Variants in ZBBX observed in about 807,000 individuals in gnomAD.
ZBBX encodes the protein zinc finger B-box domain containing.
A neutral mutation model predicts 108.5 loss-of-function variants in ZBBX; 101 were observed. The ratio of observed to expected loss-of-function variants is 0.93; its 90% confidence interval spans 0.79 to 1.10. The LOEUF is 1.10. Among genes scored for constraint, ZBBX ranks in the 50% least tolerant of loss-of-function variants. ZBBX has a pLI of 0.00. For missense variants in ZBBX, 1,009 were observed against 941.4 expected (o/e 1.07, Z -0.94); for synonymous variants, 356 against 323.4 (o/e 1.10, Z -1.08).
intron 2 of ZBBX, among the ~76,000 whole-genome samples, chr3:167,379,020 A>C (rs1160109828): frequency 6.6e-6 from 1 of 152,206 alleles, no homozygotes; most frequent in Non-Finnish European, 1.5e-5. Context: ...CCCAGCAATC[A>C]ATACAGTCCC....
chr3:167,318,762 T>C (rs981695814), intron 12 of ZBBX, among the ~76,000 whole-genome samples: 1 of 151,910 alleles, frequency 6.6e-6, no homozygotes. Context: ...CATAAAGTCA[T>C]ATGGACCACA....
At chr3:167,386,561 C>CA (rs986479418) in intron 1 of ZBBX, among the ~76,000 whole-genome samples, 23 of 151,644 alleles carry the variant, frequency 1.5e-4, no homozygotes, top group South Asian at 2.1e-4. Flanking sequence ...GTCATCTCCT[C>CA]AAAAAAAAGC....
chr3:167,275,770 G>A (rs997114508), intron 20 of ZBBX, among the ~76,000 whole-genome samples: 4 of 152,204 alleles, frequency 2.6e-5, no homozygotes, highest in Non-Finnish European at 5.9e-5. Flanking sequence ...ACTGGGTGGA[G>A]CCCACCACAG....
intron 1 of ZBBX, among the ~76,000 whole-genome samples, chr3:167,394,640 C>CCGTGTTGATTCTTT (rs1232672813): frequency 1.2e-4 from 18 of 151,814 alleles, no homozygotes; most frequent in Non-Finnish European, 2.4e-4. Flanking sequence ...CCCAAAGAAG[C>CCGTGTTGATTCTTT]AAGCCTTCAT....
the ZBBX span, among the ~76,000 whole-genome samples, chr3:167,217,097 G>T: frequency 6.6e-6 from 1 of 152,102 alleles, no homozygotes; most frequent in East Asian, 1.9e-4. Context: ...AAAAGCAATT[G>T]CAACAAAAGC....
At chr3:167,200,920 A>C in the ZBBX span, among the ~76,000 whole-genome samples, 1 of 152,132 alleles carries the variant, frequency 6.6e-6, no homozygotes, top group Non-Finnish European at 1.5e-5. Context: ...TGGGCCTTAC[A>C]AGATGGATAA....
chr3:167,247,993 T>C (rs1340860903), intron 20 of ZBBX, among the ~76,000 whole-genome samples: 1 of 152,196 alleles, frequency 6.6e-6, no homozygotes, highest in East Asian at 1.9e-4. Flanking sequence ...TTCTTTATAA[T>C]GTTAAGAGTT....
intron 1 of ZBBX, among the ~76,000 whole-genome samples, chr3:167,401,038 A>G (rs1231743716): frequency 6.6e-6 from 1 of 152,158 alleles, no homozygotes; most frequent in Admixed American, 6.6e-5. Context: ...TTCACAACAC[A>G]ATCTACCACT....
Position 167,328,100 on chromosome 3 carries a change from A to G in ZBBX, c.704T>C (p.Met235Thr). Residue 235 changes from methionine to threonine, a missense_variant, in exon 11 of 22, where the codon ATG (methionine) becomes ACG (threonine). Physicochemically the swap from Met to Thr is moderately conservative, Grantham distance 81. Transcript: ENST00000675490. The part of the protein sequence containing the change: ...RSSSEVEITT[M>T]KRAQRTKPRK... The stretch of plus-strand genomic sequence containing the variant: ...TGGTTTTGTACGTTGTGCTCTTTTC[A>G]TCGTTGTAATTTCTACCTAATTAAA... 1 of 1,611,036 alleles carries G rather than the reference A, an allele frequency of 6.2e-7. No homozygotes were observed. The highest frequency in any genetic ancestry group is 1.1e-5 in the South Asian group (1 of 90,280).
chr3:167,233,378 G>C, the ZBBX span, among the ~76,000 whole-genome samples: 1 of 151,686 alleles, frequency 6.6e-6, no homozygotes, highest in Admixed American at 6.6e-5. Flanking sequence ...GTAAAGCTGA[G>C]AGGAAGGCTC....
At chr3:167,224,148 C>T in the ZBBX span, among the ~76,000 whole-genome samples, 1 of 151,924 alleles carries the variant, frequency 6.6e-6, no homozygotes, top group Non-Finnish European at 1.5e-5. Flanking sequence ...TCCCAGTAAG[C>T]CTCTGAATTA....
At chr3:167,224,341 A>G in the ZBBX span, among the ~76,000 whole-genome samples, 1 of 151,898 alleles carries the variant, frequency 6.6e-6, no homozygotes, top group Non-Finnish European at 1.5e-5. Flanking sequence ...TGATCAAGGG[A>G]TACAAAATTA....
chr3:167,328,911 T>C (rs1445583410), intron 10 of ZBBX, among the ~76,000 whole-genome samples: 1 of 152,212 alleles, frequency 6.6e-6, no homozygotes, highest in Non-Finnish European at 1.5e-5. Context: ...TCCCATTACT[T>C]ACTCCCATGT....
Position 167,361,353 on chromosome 3 carries a change from C to A in ZBBX, c.274-630G>T, listed in dbSNP as rs375694386. 4.7e-4 allele frequency among the ~76,000 whole-genome samples: 72 copies of A among 152,112 alleles called. 1 individual carries two copies. In the East Asian group the frequency reaches 4.8e-3, roughly 10 times the overall value. Reference sequence around the variant, plus strand: ...TTTTAATATTTTAGGAAGTAAAATACTCTTGCCAATTGAACATGCTTGCCT... The same window carrying A: ...TTTTAATATTTTAGGAAGTAAAATAATCTTGCCAATTGAACATGCTTGCCT... On this transcript the variant is annotated intron_variant, in intron 6 of 21. Transcript: ENST00000675490.
At chr3:167,407,007 G>T (rs2108646563) in intron 1 of ZBBX, among the ~76,000 whole-genome samples, 1 of 152,310 alleles carries the variant, frequency 6.6e-6, no homozygotes, top group South Asian at 2.1e-4. Flanking sequence ...TGTTGTTTGG[G>T]AAGACTGACT....
chr3:167,309,747 G>A (rs1734267510), intron 16 of ZBBX, among the ~76,000 whole-genome samples: 1 of 152,226 alleles, frequency 6.6e-6, no homozygotes, highest in South Asian at 2.1e-4. Flanking sequence ...AATGGGAGGG[G>A]ATGCTGTGAG....
At chr3:167,180,815 G>T in the ZBBX span, among the ~76,000 whole-genome samples, 1 of 152,200 alleles carries the variant, frequency 6.6e-6, no homozygotes, top group African/African-American at 2.4e-5. Flanking sequence ...ACTATTAAAG[G>T]CCAATTTTTT....
chr3:167,291,901 G>T (rs530831274), intron 18 of ZBBX, among the ~76,000 whole-genome samples: 45 of 152,244 alleles, frequency 3.0e-4, no homozygotes, highest in African/African-American at 1.1e-3. Flanking sequence ...AGCAGGGGTT[G>T]CAATCCTAGT....
downstream of ZBBX, among the ~76,000 whole-genome samples, chr3:167,239,441 T>G (rs532832594): frequency 2.0e-5 from 3 of 152,160 alleles, no homozygotes; most frequent in East Asian, 5.8e-4. Context: ...CATATCCTTT[T>G]TTTTCTCGCC....
Sources: gnomAD v4.1 joint callset for allele counts (sites outside exome capture counted in the v4.1 genomes callset) on GRCh38, gnomAD v4.1.1 for gene constraint, MANE v1.5 for transcripts, NCBI Gene and HGNC (gene_info 2026-07-23, HGNC 2026-07-21) for gene names.